DOCK7: variants seen among roughly 807,000 people sequenced by gnomAD.
DOCK7 encodes the protein dedicator of cytokinesis 7, also known as dedicator of cytokinesis protein 7.
In DOCK7, 138 loss-of-function variants were observed where a neutral mutation model predicts 271.0. The ratio of observed to expected loss-of-function variants is 0.51; its 90% confidence interval spans 0.44 to 0.59. DOCK7 has a LOEUF of 0.59. Among genes scored for constraint, DOCK7 ranks in the 20% least tolerant of loss-of-function variants. The pLI is 0.00. For synonymous variants in DOCK7, 823 were observed against 876.1 expected, an observed-to-expected ratio of 0.94 and a Z score of 1.07; for missense variants, 2,066 against 2,592.4, an observed-to-expected ratio of 0.80 and a Z score of 4.41.
Position 62,648,114 on chromosome 1 carries a change from G to A in DOCK7, c.724C>T (p.Pro242Ser), listed in dbSNP as rs1226847641. Residue 242 changes from proline to serine, a missense_variant, in exon 6 of 50, where the codon CCA (proline) becomes TCA (serine). By Grantham distance (74) the Pro-to-Ser change is moderately conservative. Coordinates refer to ENST00000635253, the MANE Select transcript of DOCK7 (RefSeq NM_001367561.1). ...TATGCAAACATCTATACCTCATCTG[G>A]TGATGGATGCAAAGCAAAAAGTTCT... is the stretch of plus-strand genomic sequence containing the variant. ...HKELFALHPS[P>S]DEEEPIERLS... 8 of 1,612,552 alleles carry A rather than the reference G, an allele frequency of 5.0e-6. No individual in the cohort carries two copies. Among genetic ancestry groups the A allele is most frequent in the South Asian group, 1.1e-5 (1 of 91,002 alleles).
At chr1:62,559,450 T>TC (rs1003987700) in intron 19 of DOCK7, among the ~76,000 whole-genome samples, 3 of 152,132 alleles carry the variant, frequency 2.0e-5, no homozygotes, top group African/African-American at 7.2e-5. Flanking sequence ...TTAAGATTTT[T>TC]TTTTTTTAGT....
chr1:62,519,957 C>A (rs1278847301), intron 31 of DOCK7, among the ~76,000 whole-genome samples: 2 of 152,166 alleles, frequency 1.3e-5, no homozygotes, highest in East Asian at 3.9e-4. Flanking sequence ...CACACATCTA[C>A]AACCATCTGA....
At chr1:62,515,743 G>T (rs916211411) in intron 31 of DOCK7, among the ~76,000 whole-genome samples, 4 of 152,176 alleles carry the variant, frequency 2.6e-5, no homozygotes, top group Admixed American at 6.5e-5. Flanking sequence ...TTTAATGGGG[G>T]AAAAGCAGAG....
chr1:62,531,201 T>C (rs576332610), intron 29 of DOCK7, among the ~76,000 whole-genome samples: 201 of 152,360 alleles, frequency 1.3e-3, no homozygotes, highest in African/African-American at 4.6e-3. Flanking sequence ...TCTTTGACTT[T>C]CTGTATCAGC....
At chr1:62,475,588 A>G in intron 46 of DOCK7, 119 bp downstream of exon 46, 2 of 1,112,682 alleles carry the variant, frequency 1.8e-6, no homozygotes, top group Admixed American at 4.6e-5. Context: ...AAAAATGGGT[A>G]AAGTTCTAAT....
At position 62,648,442 on chromosome 1, in the gene DOCK7, T is replaced by A; in HGVS notation, c.492A>T (p.Pro164=). 1 of 1,550,652 alleles carries A rather than the reference T, an allele frequency of 6.4e-7. No individual in the cohort carries two copies. Among genetic ancestry groups the A allele is most frequent in the South Asian group, 1.3e-5 (1 of 78,844 alleles). The stretch of plus-strand genomic sequence containing the variant: ...GATCATCCTGGTAGCTGTTGCCATC[T>A]GGAGCTTCATCAGATTCAAAAACTT... The part of the protein sequence containing the change: ...PKQVFESDEA[P]DGNSYQDDQD... Residue 164 remains proline, a synonymous_variant, in exon 5 of 50, where the codon CCA becomes CCT. Transcript: ENST00000635253.
chr1:62,560,679 A>G (rs1646293305), intron 19 of DOCK7, among the ~76,000 whole-genome samples: 1 of 152,098 alleles, frequency 6.6e-6, no homozygotes, highest in Non-Finnish European at 1.5e-5. Context: ...TCCTTAGACT[A>G]CTGTAACTCT....
intron 37 of DOCK7, among the ~76,000 whole-genome samples, chr1:62,497,139 C>T: frequency 6.6e-6 from 1 of 152,122 alleles, no homozygotes; most frequent in East Asian, 1.9e-4. Flanking sequence ...TTACTTTCAC[C>T]TTGAAAATCT....
intron 18 of DOCK7, among the ~76,000 whole-genome samples, chr1:62,569,174 G>C (rs71519018): frequency 6.6e-6 from 1 of 152,102 alleles, no homozygotes; most frequent in Non-Finnish European, 1.5e-5. Context: ...AAGAGAGCTG[G>C]TACCATTTCC....
At chr1:62,663,337 G>A (rs1374319763) in intron 1 of DOCK7, among the ~76,000 whole-genome samples, 1 of 152,020 alleles carries the variant, frequency 6.6e-6, no homozygotes, top group African/African-American at 2.4e-5. Flanking sequence ...TTGATGTAGG[G>A]TACAAGACTG....
chr1:62,670,826 C>T (rs1017623287), intron 1 of DOCK7, among the ~76,000 whole-genome samples: 11 of 152,150 alleles, frequency 7.2e-5, no homozygotes, highest in Non-Finnish European at 1.3e-4. Context: ...AAGCAGGCTG[C>T]CCGAGCCAGC....
chr1:62,652,207 G>A (rs1571908033), intron 4 of DOCK7, among the ~76,000 whole-genome samples: 1 of 152,134 alleles, frequency 6.6e-6, no homozygotes, highest in Admixed American at 6.6e-5. Flanking sequence ...CACTGGTTCT[G>A]AGCTTAAAGC....
chr1:62,603,919 GT>G (rs1441792382), intron 14 of DOCK7: 1 of 1,580,982 alleles, frequency 6.3e-7, no homozygotes, highest in Non-Finnish European at 8.7e-7. Context: ...AACTGTCAGT[GT>G]CCAACCTGTA....
At chr1:62,656,687 G>A (rs377173336) in intron 2 of DOCK7, among the ~76,000 whole-genome samples, 42 of 150,532 alleles carry the variant, frequency 2.8e-4, no homozygotes, top group South Asian at 1.9e-3. Flanking sequence ...AGAACCCAGG[G>A]AATGGCATGA....
chr1:62,469,972 G>A (rs984626639), intron 48 of DOCK7, among the ~76,000 whole-genome samples: 22 of 151,960 alleles, frequency 1.4e-4, no homozygotes, highest in African/African-American at 5.1e-4. Flanking sequence ...TGCACTGTTG[G>A]TGGGAATGTA....
intron 7 of DOCK7, among the ~76,000 whole-genome samples, chr1:62,639,466 G>A (rs544913774): frequency 1.3e-4 from 15 of 113,208 alleles, no homozygotes; most frequent in African/African-American, 4.5e-4. Context: ...ATGGAGTCTC[G>A]CTCTGTCGCC....
chr1:62,475,707 C>T lies in DOCK7; in HGVS notation c.5961G>A (p.Glu1987=). Residue 1987 remains glutamate, a splice_region_variant and synonymous_variant, in exon 46 of 50, where the codon GAG becomes GAA. Transcript: ENST00000635253. ...KTRVNVTHKE[E]IILTPIEVAI... ...GCTGTTTGCCCATTAATGGACTTAC[C>T]TCTTCTTTATGAGTGACATTGACCC... 6.2e-7 allele frequency: 1 copy of T among 1,613,338 alleles called. No homozygotes were observed. The highest frequency in any genetic ancestry group is 8.5e-7 in the Non-Finnish European group (1 of 1,179,560).
intron 19 of DOCK7, among the ~76,000 whole-genome samples, chr1:62,560,850 A>C (rs984395217): frequency 6.6e-6 from 1 of 152,188 alleles, no homozygotes; most frequent in South Asian, 2.1e-4. Flanking sequence ...TAATTTTATC[A>C]TACTTTTTAC....
intron 14 of DOCK7, among the ~76,000 whole-genome samples, chr1:62,610,894 G>T (rs1381784068): frequency 3.3e-5 from 5 of 152,118 alleles, no homozygotes; most frequent in Non-Finnish European, 7.3e-5. Context: ...CCAAGTCTTT[G>T]TTATTGTGAA....
Sources: gnomAD v4.1 joint callset for allele counts (sites outside exome capture counted in the v4.1 genomes callset) on GRCh38, gnomAD v4.1.1 for gene constraint, MANE v1.5 for transcripts, NCBI Gene and HGNC (gene_info 2026-07-23, HGNC 2026-07-21) for gene names.